TKTL1: variants seen among roughly 807,000 people sequenced by gnomAD.
TKTL1 encodes transketolase like 1.
Under a neutral mutation model 39.3 loss-of-function variants are expected in TKTL1, and 1 was observed. That is an observed-to-expected ratio of 0.03 (90% CI 0.01 to 0.12). TKTL1 has a LOEUF of 0.12. TKTL1 is among the 10% of genes least tolerant of loss of function. The pLI is 1.00. For missense variants in TKTL1, 575 were observed against 509.6 expected (o/e 1.13, Z -1.24); for synonymous variants, 262 against 193.8 (o/e 1.35, Z -2.92).
In TKTL1 at chrX:154,330,236, G is replaced by A. The variant is rs1229085637; in HGVS notation, c.*548G>A. On this transcript the variant is annotated 3_prime_UTR_variant, in exon 13 of 13. Transcript: ENST00000369915. The stretch of plus-strand genomic sequence containing the variant: ...GCTGTTTGCCTTCATCTCCCTCCAC[G>A]TTTGAGAGGCTGTCAGGCAGCAGCG... The A allele has an allele frequency of 8.7e-6, 1 of 114,613 alleles. No homozygotes were observed. Among genetic ancestry groups the A allele is most frequent in the Non-Finnish European group, 1.8e-5 (1 of 54,888 alleles). The allele number at this position is 114,613 out of a possible 1,213,427, so 9.4% of individuals were successfully genotyped here. A position where few individuals can be genotyped will look rare whatever the true frequency, so the allele number is the denominator to read the frequency against.
At chrX:154,304,401 C>G (rs1338607941) in intron 1 of TKTL1, among the ~76,000 whole-genome samples, 1 of 110,927 alleles carries the variant, frequency 9.0e-6, no homozygotes, top group Non-Finnish European at 1.9e-5. Flanking sequence ...TCGACAATTG[C>G]ACGTGCAAAA....
chrX:154,305,064 C>CCCCGA (rs1557166916), intron 1 of TKTL1: 4 of 1,124,340 alleles, frequency 3.6e-6, no homozygotes, highest in Admixed American at 2.7e-5. Context: ...AGGAAACTTG[C>CCCCGA]CCCGAGTCCA....
In TKTL1 at chrX:154,300,228, C is replaced by G. The variant is rs190732826; in HGVS notation, c.134+4235C>G. On this transcript the variant is annotated intron_variant, in intron 1 of 12. Transcript: ENST00000369915. The stretch of plus-strand genomic sequence containing the variant: ...ACGGGGTTTCACCATGTTGGCCAGG[C>G]TGATCTCGGTCTCTTGACCTGGTGA... 3.7e-3 allele frequency among the ~76,000 whole-genome samples: 417 copies of G among 111,924 alleles called. 2 individuals carry two copies. The highest frequency in any genetic ancestry group is 4.5e-3 in the Non-Finnish European group (238 of 53,093).
In TKTL1 at chrX:154,310,988, A is replaced by G; in HGVS notation, c.503A>G (p.His168Arg). ...LGHSGALPAEHCINIYQRRCE... is the reference protein window; with the variant it reads ...LGHSGALPAERCINIYQRRCE... ...CACAGTGGTGCATTGCCCGCCGAGC[A>G]CTGCATAAACATCTATCAGAGGCGC... Residue 168 changes from histidine (H) to arginine (R), a missense_variant, in exon 4 of 13, where the codon CAC becomes CGC. Coordinates refer to ENST00000369915, the MANE Select transcript of TKTL1 (RefSeq NM_012253.4). The G allele has an allele frequency of 8.2e-7, 1 of 1,212,189 alleles. No individual in the cohort carries two copies. The highest frequency in any genetic ancestry group is 1.1e-6 in the Non-Finnish European group (1 of 895,601).
At chrX:154,298,215 T>C (rs782661902) in intron 1 of TKTL1, among the ~76,000 whole-genome samples, 1 of 110,889 alleles carries the variant, frequency 9.0e-6, no homozygotes. Flanking sequence ...TTTAACTTGA[T>C]TGTACTTTTT....
chrX:154,328,986 C>CT (rs1344275287), intron 12 of TKTL1, among the ~76,000 whole-genome samples: 67 of 112,505 alleles, frequency 6.0e-4, no homozygotes, highest in African/African-American at 2.1e-3. Flanking sequence ...GGGATGCCTG[C>CT]TAGAGACTTG....
intron 1 of TKTL1, among the ~76,000 whole-genome samples, chrX:154,301,211 A>C (rs2067271006): frequency 9.0e-6 from 1 of 110,694 alleles, no homozygotes; most frequent in African/African-American, 3.3e-5. Flanking sequence ...TACTTAGTGC[A>C]ATATGTTTTT....
At chrX:154,296,331 T>A (rs2067227864) in intron 1 of TKTL1, among the ~76,000 whole-genome samples, 1 of 111,151 alleles carries the variant, frequency 9.0e-6, no homozygotes. Context: ...AGAATGTCAC[T>A]GGGATCAGAT....
chrX:154,302,665 C>A lies in TKTL1; in HGVS notation c.135-2639C>A, dbSNP rs184157921. On this transcript the variant is annotated intron_variant, in intron 1 of 12. Coordinates refer to ENST00000369915, the MANE Select transcript of TKTL1 (RefSeq NM_012253.4). ...GGGGGACACATTCAGTCCATGGCCT[C>A]CCGTACCTGTGAATGTGATCTTATT... is the stretch of plus-strand genomic sequence containing the variant. Among the ~76,000 whole-genome samples the A allele has an allele frequency of 3.3e-4, 37 of 111,807 alleles. 1 individual carries two copies. In the East Asian group the frequency reaches 9.8e-3, roughly 30 times the overall value.
intron 7 of TKTL1, among the ~76,000 whole-genome samples, chrX:154,319,584 C>G (rs1269422749): frequency 9.0e-6 from 1 of 111,286 alleles, no homozygotes; most frequent in Non-Finnish European, 1.9e-5. Context: ...ACTAAAAATA[C>G]AAAAATTAGC....
At chrX:154,328,954 C>T (rs1478003505) in intron 12 of TKTL1, among the ~76,000 whole-genome samples, 2 of 112,508 alleles carry the variant, frequency 1.8e-5, no homozygotes, top group East Asian at 2.8e-4. Flanking sequence ...GTGCCTCCCA[C>T]GCAGGCTGTG....
intron 1 of TKTL1, among the ~76,000 whole-genome samples, chrX:154,297,508 G>A (rs1355542508): frequency 1.7e-4 from 19 of 111,186 alleles, no homozygotes; most frequent in African/African-American, 5.2e-4. Context: ...CGCCCGCCTC[G>A]GCCTCCCAAA....
intron 1 of TKTL1, among the ~76,000 whole-genome samples, chrX:154,297,325 G>C (rs2067238258): frequency 9.2e-6 from 1 of 109,116 alleles, no homozygotes; most frequent in Non-Finnish European, 1.9e-5. Flanking sequence ...GCACGATTTT[G>C]GCTCACTACA....
rs1419773582 is a variant in TKTL1, at chrX:154,312,638, C to T, written c.729C>T (p.Ala243=). ...CAATGCCGAGAGAAAGAGCAGATGC[C>T]ATTATCAAATTAATTGAGAGCCAGA... ...AKPMPRERAD[A]IIKLIESQIQ... The change falls in exon 6 of 13, where the codon GCC becomes GCT. Residue 243 remains alanine, a synonymous_variant. Coordinates refer to ENST00000369915, the MANE Select transcript of TKTL1 (RefSeq NM_012253.4). 3 of 1,211,160 alleles carry T rather than the reference C, an allele frequency of 2.5e-6. No homozygotes were observed. The highest frequency in any genetic ancestry group is 3.4e-6 in the Non-Finnish European group (3 of 895,202).
At chrX:154,318,805 T>C (rs2067425703) in intron 7 of TKTL1, among the ~76,000 whole-genome samples, 1 of 110,702 alleles carries the variant, frequency 9.0e-6, no homozygotes, top group Non-Finnish European at 1.9e-5. Flanking sequence ...AAGCCACTTT[T>C]CTTTGTCAGA....
intron 7 of TKTL1, among the ~76,000 whole-genome samples, chrX:154,319,093 A>G (rs782101295): frequency 9.0e-6 from 1 of 111,532 alleles, no homozygotes; most frequent in East Asian, 2.8e-4. Context: ...AACAGATTCT[A>G]TTCCTGTTTT....
chrX:154,317,858 G>A (rs1167771184), intron 7 of TKTL1, among the ~76,000 whole-genome samples: 1 of 110,646 alleles, frequency 9.0e-6, no homozygotes, highest in African/African-American at 3.3e-5. Flanking sequence ...TGACAAGACT[G>A]GGGGAGAAGT....
chrX:154,300,803 T>C (rs1377226952), intron 1 of TKTL1, among the ~76,000 whole-genome samples: 1 of 110,798 alleles, frequency 9.0e-6, no homozygotes, highest in African/African-American at 3.3e-5. Context: ...TTCAAGCGAT[T>C]CTCCTGCCTT....
In TKTL1 at chrX:154,312,840, G is replaced by A. The variant is rs180927347; in HGVS notation, c.864+67G>A. On this transcript the variant is annotated intron_variant, in intron 6 of 12. Coordinates refer to ENST00000369915, the MANE Select transcript of TKTL1 (RefSeq NM_012253.4). ...ACTGCTTTGTTCTCTAATGTTGTTC[G>A]TATGTACACAGGATTCTTCATTTAT... The A allele has an allele frequency of 4.1e-3, 4,116 of 1,009,910 alleles. 8 individuals are homozygous for A. Among genetic ancestry groups the A allele is most frequent in the Middle Eastern group, 0.026 (93 of 3,551 alleles). 83.2% of individuals were successfully genotyped at this position (1,009,910 alleles called of 1,213,427 possible).
Sources: allele counts gnomAD v4.1 joint callset (sites outside exome capture counted in the v4.1 genomes callset), GRCh38; gene constraint gnomAD v4.1.1; transcripts MANE v1.5; gene names NCBI Gene and HGNC (gene_info 2026-07-23, HGNC 2026-07-21).